MFHAS1: variants seen among roughly 807,000 people sequenced by gnomAD.
The protein encoded by MFHAS1 is multifunctional ROCO family signaling regulator 1, also known as malignant fibrous histiocytoma-amplified sequence 1.
MFHAS1 carries 50 observed loss-of-function variants against 70.4 expected under a neutral mutation model. The observed-to-expected ratio is 0.71, with a 90% CI of 0.57 to 0.90. The LOEUF (loss-of-function observed/expected upper bound fraction) is 0.90, where lower values mean the gene tolerates loss of function less well. Among genes scored for constraint, MFHAS1 ranks in the 40% least tolerant of loss-of-function variants. The pLI is 0.00. For missense variants in MFHAS1, 1,795 were observed against 1,347.6 expected (o/e 1.33, Z -5.20); for synonymous variants, 952 against 620.0 (o/e 1.54, Z -7.96).
In MFHAS1 at chr8:8,783,394, A is replaced by G. The variant is rs1448119243; in HGVS notation, c.*2628T>C. The G allele has an allele frequency of 1.3e-5, 2 of 152,318 alleles. No homozygotes were observed. Among genetic ancestry groups the G allele is most frequent in the East Asian group, 3.9e-4 (2 of 5,192 alleles). 9.4% of individuals were successfully genotyped at this position (152,318 alleles called of 1,614,324 possible). A position where few individuals can be genotyped will look rare whatever the true frequency, so the allele number is the denominator to read the frequency against. On this transcript the variant is annotated 3_prime_UTR_variant, in exon 3 of 3. Coordinates refer to ENST00000276282, the MANE Select transcript of MFHAS1 (RefSeq NM_004225.3). ...GTATTTTTATTGATTTTTCTTTTTTAATTTCTGCCCAGTTACAACAACGAA... is the reference window on the plus strand; with the variant it reads ...GTATTTTTATTGATTTTTCTTTTTTGATTTCTGCCCAGTTACAACAACGAA...
chr8:8,839,167 C>A (rs1277578167), intron 1 of MFHAS1, among the ~76,000 whole-genome samples: 1 of 151,674 alleles, frequency 6.6e-6, no homozygotes, highest in East Asian at 1.9e-4. Flanking sequence ...GAAAATTAAA[C>A]CTGGGGAAGA....
chr8:8,879,409 A>G (rs1809423602), intron 1 of MFHAS1, among the ~76,000 whole-genome samples: 1 of 152,104 alleles, frequency 6.6e-6, no homozygotes, highest in Non-Finnish European at 1.5e-5. Flanking sequence ...GGAAAGGCTG[A>G]TTCGTTTGGG....
At chr8:8,848,553 T>C (rs970594856) in intron 1 of MFHAS1, among the ~76,000 whole-genome samples, 1 of 152,322 alleles carries the variant, frequency 6.6e-6, no homozygotes, top group Non-Finnish European at 1.5e-5. Flanking sequence ...TAACTGGAAA[T>C]TGAATTAAAA....
At chr8:8,825,764 A>C (rs1056295707) in intron 1 of MFHAS1, among the ~76,000 whole-genome samples, 5 of 152,186 alleles carry the variant, frequency 3.3e-5, no homozygotes, top group African/African-American at 1.2e-4. Context: ...ATTTCCAAAT[A>C]TGAATTTTAG....
chr8:8,893,161 G>C lies in MFHAS1; in HGVS notation c.-103C>G. The C allele has an allele frequency of 2.7e-6, 2 of 727,432 alleles. No homozygotes were observed. The highest frequency in any genetic ancestry group is 3.7e-6 in the Non-Finnish European group (2 of 539,034). The allele number at this position is 727,432 out of a possible 1,614,324, so 45.1% of individuals were successfully genotyped here. On this transcript the variant is annotated 5_prime_UTR_variant, in exon 1 of 3. Coordinates refer to ENST00000276282, the MANE Select transcript of MFHAS1 (RefSeq NM_004225.3). Reference sequence around the variant, plus strand: ...GGCTCCTGCCCCTGCCTGCCCTCCCGCGCTCGGCGGCCGGCGGCCGCGGGT... The same window carrying C: ...GGCTCCTGCCCCTGCCTGCCCTCCCCCGCTCGGCGGCCGGCGGCCGCGGGT...
In MFHAS1 at chr8:8,892,653, C is replaced by T. The variant is rs1483780522; in HGVS notation, c.406G>A (p.Glu136Lys). ...TGGCTGAGGTTGAGCTTCCGCAGCT[C>T]CCTCAGAGCACTCACCACCTCCGCG... Reference protein sequence around the residue: ...LGAEVVSALRELRKLNLSHNQ... With the variant: ...LGAEVVSALRKLRKLNLSHNQ... The change falls in exon 1 of 3, where the codon GAG becomes AAG. Residue 136 changes from glutamate to lysine, a missense_variant. Transcript: ENST00000276282. The surrounding 1 kb of genome is among the most constrained non-coding windows in gnomAD (Gnocchi z 4.7). 1 of 1,594,098 alleles carries T rather than the reference C, an allele frequency of 6.3e-7. No homozygotes were observed. The highest frequency in any genetic ancestry group is 1.3e-5 in the African/African-American group (1 of 74,698).
chr8:8,853,658 C>G (rs184130636), intron 1 of MFHAS1, among the ~76,000 whole-genome samples: 1 of 152,132 alleles, frequency 6.6e-6, no homozygotes, highest in South Asian at 2.1e-4. Flanking sequence ...ACTCCGCCTC[C>G]AGGGTTCAAG....
In MFHAS1 at chr8:8,890,758, G is replaced by T. The variant is rs1554491260; in HGVS notation, c.2301C>A (p.Ser767=). The change falls in exon 1 of 3, where the codon TCC becomes TCA. Residue 767 remains serine (S), a synonymous_variant. Transcript: ENST00000276282. The stretch of plus-strand genomic sequence containing the variant: ...TGGGGGTGGACCGCGCCATGGGCGG[G>T]GAGCTTTCCCCCTCCGCCTTGCCCT... ...SGEGKAEGES[S]PPMARSTPSQ... 5 of 1,613,900 alleles carry T rather than the reference G, an allele frequency of 3.1e-6. No homozygotes were observed. The South Asian group carries it at 5.5e-5, about 18-fold the overall frequency.
At chr8:8,831,348 C>G (rs1807380081) in intron 1 of MFHAS1, among the ~76,000 whole-genome samples, 1 of 151,986 alleles carries the variant, frequency 6.6e-6, no homozygotes, top group Non-Finnish European at 1.5e-5. Context: ...CTTCATTTTT[C>G]CAATATGAGT....
chr8:8,848,434 C>A (rs1194424665), intron 1 of MFHAS1, among the ~76,000 whole-genome samples: 1 of 150,598 alleles, frequency 6.6e-6, no homozygotes, highest in Non-Finnish European at 1.5e-5. Context: ...CATCCCACTT[C>A]ATTTTCCTCT....
At chr8:8,802,224 G>A (rs1275899943) in intron 1 of MFHAS1, among the ~76,000 whole-genome samples, 1 of 152,166 alleles carries the variant, frequency 6.6e-6, no homozygotes, top group African/African-American at 2.4e-5. Flanking sequence ...AGATGCAAGA[G>A]GTAGTTTGCC....
rs1204723649 is a variant in MFHAS1 at position 8,893,096 on chromosome 8, G to A, written c.-38C>T. ...GGCCGACAGCCTCACGCGGACGCGG[G>A]AGCCCGCAGCTACATGCCGCGCCGC... is the stretch of plus-strand genomic sequence containing the variant. On this transcript the variant is annotated 5_prime_UTR_variant, in exon 1 of 3. Coordinates refer to ENST00000276282, the MANE Select transcript of MFHAS1 (RefSeq NM_004225.3). The A allele has an allele frequency of 3.6e-6, 5 of 1,403,536 alleles. No homozygotes were observed. The highest frequency in any genetic ancestry group is 6.1e-5 in the Admixed American group (2 of 32,814). 86.9% of individuals were successfully genotyped at this position (1,403,536 alleles called of 1,614,324 possible). A position where few individuals can be genotyped will look rare whatever the true frequency, so the allele number is the denominator to read the frequency against.
At chr8:8,833,418 C>T (rs778833510) in intron 1 of MFHAS1, among the ~76,000 whole-genome samples, 2 of 152,024 alleles carry the variant, frequency 1.3e-5, no homozygotes, top group Non-Finnish European at 2.9e-5. Flanking sequence ...CGCTTGAGGC[C>T]AGGAGTTCAA....
At chr8:8,860,228 G>A (rs937793346) in intron 1 of MFHAS1, among the ~76,000 whole-genome samples, 2 of 152,150 alleles carry the variant, frequency 1.3e-5, no homozygotes, top group Admixed American at 6.5e-5. Flanking sequence ...CCACTCACAC[G>A]ACAGCCCTTC....
intron 1 of MFHAS1, among the ~76,000 whole-genome samples, chr8:8,823,759 A>AC (rs1807051752): frequency 1.4e-5 from 2 of 147,674 alleles, no homozygotes; most frequent in South Asian, 4.8e-4. Flanking sequence ...AAATTTCAAG[A>AC]CCCACGGTGG....
intron 1 of MFHAS1, among the ~76,000 whole-genome samples, chr8:8,863,911 C>T (rs77222680): frequency 0.064 from 9,815 of 152,260 alleles, 494 homozygotes; most frequent in Admixed American, 0.16. Context: ...TGAAACTCAC[C>T]AGATCACTGC....
At chr8:8,789,446 G>A (rs537848048) in intron 2 of MFHAS1, among the ~76,000 whole-genome samples, 3 of 152,282 alleles carry the variant, frequency 2.0e-5, no homozygotes, top group African/African-American at 7.2e-5. Flanking sequence ...ATTGGAAACA[G>A]AGGTCTGGGG....
chr8:8,822,336 G>A (rs1292012229), intron 1 of MFHAS1, among the ~76,000 whole-genome samples: 1 of 152,216 alleles, frequency 6.6e-6, no homozygotes, highest in Non-Finnish European at 1.5e-5. Flanking sequence ...GAGTCCTCAG[G>A]GAGAGGGTGA....
intron 1 of MFHAS1, among the ~76,000 whole-genome samples, chr8:8,882,510 G>T (rs1007872054): frequency 6.6e-6 from 1 of 152,210 alleles, no homozygotes; most frequent in African/African-American, 2.4e-5. Flanking sequence ...TACTCAGGAG[G>T]CTGAGGCAGA....
Sources: gnomAD v4.1 joint callset for allele counts (sites outside exome capture counted in the v4.1 genomes callset) on GRCh38, gnomAD v4.1.1 for gene constraint, Gnocchi (gnomAD v3.1) non-coding constraint, MANE v1.5 for transcripts, NCBI Gene and HGNC (gene_info 2026-07-23, HGNC 2026-07-21) for gene names.